The following FSHR variants were observed in gnomAD, a reference collection of about 807,000 sequenced individuals.
FSHR encodes the protein follicle stimulating hormone receptor.
Under a neutral mutation model 52.1 loss-of-function variants are expected in FSHR, and 46 were observed. The observed-to-expected ratio is 0.88, with a 90% CI of 0.70 to 1.13. The LOEUF (loss-of-function observed/expected upper bound fraction) is 1.13. FSHR is among the 50% of genes most tolerant of loss of function. FSHR has a pLI of 0.00. For synonymous variants in FSHR, 399 were observed against 309.6 expected (o/e 1.29, Z -3.03); for missense variants, 964 against 834.6 (o/e 1.16, Z -1.91).
intron 1 of FSHR, among the ~76,000 whole-genome samples, chr2:49,103,467 G>C (rs1167152775): frequency 6.6e-6 from 1 of 152,090 alleles, no homozygotes; most frequent in Middle Eastern, 3.2e-3. Flanking sequence ...TCCAAGCCAA[G>C]AACTCAGAAT....
At chr2:49,036,890 T>A (rs1297084608) in intron 2 of FSHR, among the ~76,000 whole-genome samples, 1 of 152,132 alleles carries the variant, frequency 6.6e-6, no homozygotes, top group African/African-American at 2.4e-5. Context: ...CATTTAAAAA[T>A]TTTTAGAAAA....
chr2:49,124,016 G>C (rs551830802), intron 1 of FSHR, among the ~76,000 whole-genome samples: 1 of 150,682 alleles, frequency 6.6e-6, no homozygotes, highest in South Asian at 2.1e-4. Context: ...ACGGAATTTC[G>C]CTCTATCACC....
intron 1 of FSHR, among the ~76,000 whole-genome samples, chr2:49,147,450 T>C (rs1672909317): frequency 6.6e-6 from 1 of 152,088 alleles, no homozygotes; most frequent in Admixed American, 6.6e-5. Context: ...CACAATGTCC[T>C]ATTTCTGAAG....
chr2:48,962,672 T>C lies in FSHR; in HGVS notation c.*61A>G. The stretch of plus-strand genomic sequence containing the variant: ...GAAGCACTGTCAGCTCTTTGTGACA[T>C]ACCCTTCAAAGGCAAGACTGAATTA... On this transcript the variant is annotated 3_prime_UTR_variant, in exon 10 of 10. Transcript: ENST00000406846. 12 of 1,516,532 alleles carry C rather than the reference T, an allele frequency of 7.9e-6. No individual in the cohort carries two copies. The highest frequency in any genetic ancestry group is 1.7e-5 in the Admixed American group (1 of 59,846). The allele number at this position is 1,516,532 out of a possible 1,614,324, so 93.9% of individuals were successfully genotyped here. A position where few individuals can be genotyped will look rare whatever the true frequency, so the allele number is the denominator to read the frequency against.
intron 6 of FSHR, among the ~76,000 whole-genome samples, chr2:48,985,558 G>C (rs1427567889): frequency 6.6e-6 from 1 of 152,174 alleles, no homozygotes; most frequent in Non-Finnish European, 1.5e-5. Flanking sequence ...TACACAGTGG[G>C]TTTTTATTGC....
chr2:49,034,119 G>A (rs2104263447), intron 2 of FSHR, among the ~76,000 whole-genome samples: 1 of 152,292 alleles, frequency 6.6e-6, no homozygotes, highest in South Asian at 2.1e-4. Flanking sequence ...AGTCTGGAGG[G>A]CTCAAATGTT....
intron 1 of FSHR, among the ~76,000 whole-genome samples, chr2:49,110,875 G>A (rs1671399002): frequency 6.6e-6 from 1 of 152,148 alleles, no homozygotes; most frequent in Non-Finnish European, 1.5e-5. Context: ...TTTTTGGAAG[G>A]AAAATTAATT....
intron 1 of FSHR, among the ~76,000 whole-genome samples, chr2:49,092,308 A>G (rs72822031): frequency 0.054 from 8,163 of 152,260 alleles, 524 homozygotes; most frequent in East Asian, 0.24. Flanking sequence ...ACAATCAGGT[A>G]ATTTATGAAC....
At chr2:48,998,962 G>A (rs1676143167) in intron 4 of FSHR, among the ~76,000 whole-genome samples, 1 of 151,998 alleles carries the variant, frequency 6.6e-6, no homozygotes, top group Non-Finnish European at 1.5e-5. Flanking sequence ...ACACAAGACT[G>A]CAGTCATATG....
At chr2:49,120,095 C>T (rs1237020938) in intron 1 of FSHR, among the ~76,000 whole-genome samples, 1 of 152,118 alleles carries the variant, frequency 6.6e-6, no homozygotes, top group Non-Finnish European at 1.5e-5. Context: ...CATGGTGACG[C>T]CCCATCTCTA....
chr2:49,042,699 C>A (rs946391292), intron 2 of FSHR, among the ~76,000 whole-genome samples: 2 of 152,164 alleles, frequency 1.3e-5, no homozygotes, highest in Non-Finnish European at 2.9e-5. Flanking sequence ...GGTGCATAGT[C>A]AGCTCTAAAG....
rs1328379173 is a variant in FSHR at position 49,141,783 on chromosome 2, A to G, written c.152+12483T>C. ...GTAAGTGCTCAGATGAAGAGTTTAG[A>G]CTTTACTTTAGGAGTTCAGAGTAAA... On this transcript the variant is annotated intron_variant, in intron 1 of 9. Coordinates refer to ENST00000406846, the MANE Select transcript of FSHR (RefSeq NM_000145.4). Among the ~76,000 whole-genome samples the G allele has an allele frequency of 2.8e-5, 3 of 107,694 alleles. No homozygotes were observed. In the East Asian group the frequency reaches 1.2e-3, roughly 43 times the overall value. 70.7% of individuals were successfully genotyped at this position (107,694 alleles called of 152,430 possible).
chr2:49,107,988 G>A (rs981971143), intron 1 of FSHR, among the ~76,000 whole-genome samples: 1 of 152,106 alleles, frequency 6.6e-6, no homozygotes, highest in East Asian at 1.9e-4. Context: ...TGCAAACATT[G>A]TTTCTGGGTG....
intron 2 of FSHR, among the ~76,000 whole-genome samples, chr2:49,044,025 T>C (rs1276223460): frequency 6.6e-6 from 1 of 152,232 alleles, no homozygotes; most frequent in Non-Finnish European, 1.5e-5. Flanking sequence ...GGGTTGCTTA[T>C]ATTCTGGTTT....
At chr2:49,103,806 C>G (rs953032302) in intron 1 of FSHR, among the ~76,000 whole-genome samples, 1 of 152,158 alleles carries the variant, frequency 6.6e-6, no homozygotes, top group Non-Finnish European at 1.5e-5. Flanking sequence ...ACAGTCATGA[C>G]TCTATCTATG....
chr2:49,148,186 G>C (rs1449060643), intron 1 of FSHR, among the ~76,000 whole-genome samples: 1 of 151,934 alleles, frequency 6.6e-6, no homozygotes, highest in Non-Finnish European at 1.5e-5. Context: ...TATCACGTAA[G>C]TCAAGAGAAT....
At chr2:49,097,247 A>T (rs1317954549) in intron 1 of FSHR, among the ~76,000 whole-genome samples, 1 of 151,248 alleles carries the variant, frequency 6.6e-6, no homozygotes, top group Non-Finnish European at 1.5e-5. Flanking sequence ...ATTTCTTTGA[A>T]TTTTTTTTCA....
chr2:49,084,341 A>C (rs1289375082), intron 1 of FSHR, among the ~76,000 whole-genome samples: 1 of 152,130 alleles, frequency 6.6e-6, no homozygotes, highest in Non-Finnish European at 1.5e-5. Context: ...GACGCATTCA[A>C]AGCAGTGTGT....
intron 2 of FSHR, among the ~76,000 whole-genome samples, chr2:49,033,227 G>A (rs1181300502): frequency 6.6e-6 from 1 of 152,208 alleles, no homozygotes; most frequent in African/African-American, 2.4e-5. Flanking sequence ...CTAGAGATGT[G>A]CAGGGACAAT....
Sources: gnomAD v4.1 joint callset for allele counts (sites outside exome capture counted in the v4.1 genomes callset) on GRCh38, gnomAD v4.1.1 for gene constraint, MANE v1.5 for transcripts, NCBI Gene and HGNC (gene_info 2026-07-23, HGNC 2026-07-21) for gene names.